SEMA5A: variants seen among roughly 807,000 people sequenced by gnomAD.
The protein encoded by SEMA5A is semaphorin-5A.
Under a neutral mutation model 135.5 loss-of-function variants are expected in SEMA5A, and 55 were observed. That is an observed-to-expected ratio of 0.41 (90% CI 0.33 to 0.51). SEMA5A has a LOEUF of 0.51. Among genes scored for constraint, SEMA5A ranks in the 20% least tolerant of loss-of-function variants. The pLI is 0.37. For synonymous variants in SEMA5A, 580 were observed against 546.5 expected, an observed-to-expected ratio of 1.06 and a Z score of -0.85; for missense variants, 1,290 against 1,419.9, an observed-to-expected ratio of 0.91 and a Z score of 1.47.
chr5:9,323,835 T>C (rs1027164256), intron 4 of SEMA5A, among the ~76,000 whole-genome samples: 2 of 151,040 alleles, frequency 1.3e-5, no homozygotes, highest in African/African-American at 2.4e-5. Context: ...CTAATTTTTA[T>C]ATTTCTGGTA....
At chr5:9,053,594 A>G (rs1412561170) in intron 19 of SEMA5A, among the ~76,000 whole-genome samples, 1 of 152,072 alleles carries the variant, frequency 6.6e-6, no homozygotes. Context: ...ATGTGGCTGC[A>G]CCCAGGCTGG....
chr5:9,382,432 A>G (rs1321501283), intron 2 of SEMA5A, among the ~76,000 whole-genome samples: 1 of 152,188 alleles, frequency 6.6e-6, no homozygotes, highest in Non-Finnish European at 1.5e-5. Flanking sequence ...CTTCTTTAAA[A>G]AGGAGTGCTT....
intron 16 of SEMA5A, 112 bp downstream of exon 16, chr5:9,108,028 C>A: frequency 7.4e-7 from 1 of 1,349,290 alleles, no homozygotes; most frequent in Admixed American, 2.3e-5. Context: ...CTAGTGTGTG[C>A]AGAACATTTA....
intron 5 of SEMA5A, among the ~76,000 whole-genome samples, chr5:9,295,036 C>T (rs988902679): frequency 6.6e-6 from 1 of 152,188 alleles, no homozygotes; most frequent in African/African-American, 2.4e-5. Flanking sequence ...AACCCACTCT[C>T]CCTGCTACTC....
intron 1 of SEMA5A, among the ~76,000 whole-genome samples, chr5:9,452,465 C>T (rs1758681194): frequency 6.6e-6 from 1 of 152,186 alleles, no homozygotes; most frequent in African/African-American, 2.4e-5. Flanking sequence ...TACACACTCT[C>T]TCAGGCAAGA....
At chr5:9,440,454 C>A (rs1186185628) in intron 1 of SEMA5A, among the ~76,000 whole-genome samples, 1 of 152,170 alleles carries the variant, frequency 6.6e-6, no homozygotes, top group Non-Finnish European at 1.5e-5. Flanking sequence ...TTATTCTTTT[C>A]TCTTTTAGCT....
At chr5:9,252,459 C>T (rs550684875) in intron 5 of SEMA5A, among the ~76,000 whole-genome samples, 28 of 152,108 alleles carry the variant, frequency 1.8e-4, no homozygotes, top group Admixed American at 1.1e-3. Flanking sequence ...AGAACATGCA[C>T]GGATAAACAT....
intron 21 of SEMA5A, among the ~76,000 whole-genome samples, chr5:9,047,209 TC>T (rs1287530755): frequency 7.2e-5 from 11 of 152,188 alleles, no homozygotes; most frequent in African/African-American, 2.4e-4. Context: ...AGGAAATACT[TC>T]CTGCTGCACC....
chr5:9,072,091 A>G (rs1737799959), intron 16 of SEMA5A, among the ~76,000 whole-genome samples: 1 of 152,228 alleles, frequency 6.6e-6, no homozygotes, highest in Admixed American at 6.5e-5. Context: ...TTTCCCACCA[A>G]TATGGAGTAA....
chr5:9,050,394 A>C lies in SEMA5A; in HGVS notation c.2893+16T>G. ...ATCAGTACATCCATTACAACTACTT[A>C]AAAGGAATAACGTACCTCCACACCT... On this transcript the variant is annotated intron_variant, in intron 21 of 22. Transcript: ENST00000382496. 6.2e-7 allele frequency: 1 copy of C among 1,605,414 alleles called. No individual in the cohort carries two copies. Among genetic ancestry groups the C allele is most frequent in the East Asian group, 2.2e-5 (1 of 44,790 alleles).
intron 17 of SEMA5A, 81 bp from the exon 18 acceptor site, chr5:9,063,186 T>G: frequency 7.5e-7 from 1 of 1,336,668 alleles, no homozygotes; most frequent in Non-Finnish European, 1.0e-6. Context: ...ATTCTGTATC[T>G]GCTGTCTGCC....
rs180977326 is a variant in SEMA5A at position 9,462,096 on chromosome 5, C to T, written c.-174-24244G>A. Among the ~76,000 whole-genome samples the T allele has an allele frequency of 5.3e-5, 8 of 152,286 alleles. No individual in the cohort carries two copies. In the South Asian group the frequency reaches 8.3e-4, roughly 16 times the overall value. On this transcript the variant is annotated intron_variant, in intron 1 of 22. Coordinates refer to ENST00000382496, the MANE Select transcript of SEMA5A (RefSeq NM_003966.3). ...TTCAATCCCAAGACTTTCTCATACTCGAGTTCTAGAAGTATCTCTATCCCA... is the reference window on the plus strand; with the variant it reads ...TTCAATCCCAAGACTTTCTCATACTTGAGTTCTAGAAGTATCTCTATCCCA...
intron 3 of SEMA5A, among the ~76,000 whole-genome samples, chr5:9,369,675 G>T (rs529819415): frequency 6.6e-6 from 1 of 151,942 alleles, no homozygotes; most frequent in Non-Finnish European, 1.5e-5. Flanking sequence ...GCCTATTTCT[G>T]ATCTCTGCTT....
Position 9,320,306 on chromosome 5 carries a change from T to C in SEMA5A, c.225-1889A>G, listed in dbSNP as rs114685132. ...GGAAACATTCCCCTGTCCTTTATTA[T>C]AATGCTACAGCCCTCTATGTAGAAC... On this transcript the variant is annotated intron_variant, in intron 4 of 22. Transcript: ENST00000382496. Among the ~76,000 whole-genome samples, 955 of 152,312 alleles carry C rather than the reference T, an allele frequency of 6.3e-3. 12 individuals carry two copies. Among genetic ancestry groups the C allele is most frequent in the African/African-American group, 0.022 (910 of 41,568 alleles).
intron 2 of SEMA5A, among the ~76,000 whole-genome samples, chr5:9,407,178 C>T (rs1167252510): frequency 6.6e-6 from 1 of 152,184 alleles, no homozygotes; most frequent in African/African-American, 2.4e-5. Flanking sequence ...GAATTGCTCT[C>T]CCTTCCATTG....
Position 9,202,168 on chromosome 5 carries a change from T to G in SEMA5A, c.719A>C (p.His240Pro). ...YFFFRENAVEHDCGKTVFSRA... is the reference protein window; with the variant it reads ...YFFFRENAVEPDCGKTVFSRA... ...GGAGAACACTGTTTTCCCACAGTCA[T>G]GCTCTACTGCATTTTCTCGGAAAAA... The change falls in exon 9 of 23, where the codon CAT (histidine) becomes CCT (proline). Residue 240 changes from histidine to proline, a missense_variant. His to Pro is a moderately conservative substitution (Grantham distance 77). This residue lies in a region of SEMA5A where 145 missense variants were observed against 212.0 expected (regional missense o/e 0.68). Coordinates refer to ENST00000382496, the MANE Select transcript of SEMA5A (RefSeq NM_003966.3). The G allele has an allele frequency of 6.2e-7, 1 of 1,614,168 alleles. No individual in the cohort carries two copies. The highest frequency in any genetic ancestry group is 8.5e-7 in the Non-Finnish European group (1 of 1,180,028).
At chr5:9,139,218 G>A (rs1389950084) in intron 12 of SEMA5A, among the ~76,000 whole-genome samples, 2 of 152,202 alleles carry the variant, frequency 1.3e-5, no homozygotes, top group Admixed American at 1.3e-4. Context: ...CCCACCAGCA[G>A]TGTAAATTTC....
chr5:9,187,199 G>A (rs915140305), intron 11 of SEMA5A, among the ~76,000 whole-genome samples: 1 of 151,412 alleles, frequency 6.6e-6, no homozygotes, highest in African/African-American at 2.4e-5. Flanking sequence ...TGGACATAAA[G>A]ACTGTATGTT....
chr5:9,221,173 G>T (rs974356800), intron 8 of SEMA5A, among the ~76,000 whole-genome samples: 1 of 152,134 alleles, frequency 6.6e-6, no homozygotes, highest in Non-Finnish European at 1.5e-5. Flanking sequence ...CATTTAATGG[G>T]TCCTTAAAAT....
Sources: allele counts gnomAD v4.1 joint callset (sites outside exome capture counted in the v4.1 genomes callset), GRCh38; gene constraint gnomAD v4.1.1; regional missense constraint gnomAD v4.1.1; transcripts MANE v1.5; gene names NCBI Gene and HGNC (gene_info 2026-07-23, HGNC 2026-07-21).